Variants in ARHGAP24 observed in about 807,000 individuals in gnomAD.
ARHGAP24 encodes rho GTPase-activating protein 24.
ARHGAP24 carries 50 observed loss-of-function variants against 76.4 expected under a neutral mutation model. The ratio of observed to expected loss-of-function variants is 0.65; its 90% CI spans 0.52 to 0.83. The LOEUF (loss-of-function observed/expected upper bound fraction) is 0.83. Ranked by LOEUF, ARHGAP24 falls within the 40% of genes least tolerant of loss-of-function variation. The pLI is 0.00. For synonymous variants in ARHGAP24, 345 were observed against 323.3 expected (o/e 1.07, Z -0.72); for missense variants, 930 against 914.2 (o/e 1.02, Z -0.22).
In ARHGAP24 at chr4:85,668,293, C is replaced by T. The variant is rs1191038313; in HGVS notation, c.181-53592C>T. On this transcript the variant is annotated intron_variant, in intron 2 of 9. Transcript: ENST00000395184. ...CAGGTTAAAGACCATTAAAGCAAAA[C>T]AGAAAATGCTAAACAGCTTTATTTC... Among the ~76,000 whole-genome samples, 3 of 152,316 alleles carry T rather than the reference C, an allele frequency of 2.0e-5. No individual in the cohort carries two copies. In the South Asian group the frequency reaches 6.2e-4, roughly 32 times the overall value.
chr4:85,556,885 G>C (rs1726397876), intron 1 of ARHGAP24, among the ~76,000 whole-genome samples: 1 of 152,082 alleles, frequency 6.6e-6, no homozygotes, highest in African/African-American at 2.4e-5. Context: ...CTACCATTCT[G>C]AGAGCCCAGG....
At chr4:85,543,383 C>A (rs1725785072) in intron 1 of ARHGAP24, among the ~76,000 whole-genome samples, 1 of 152,028 alleles carries the variant, frequency 6.6e-6, no homozygotes, top group East Asian at 1.9e-4. Flanking sequence ...AAAGGGCTGG[C>A]AGTGAAGGGT....
chr4:85,720,044 CAT>C (rs1724869451), intron 2 of ARHGAP24, among the ~76,000 whole-genome samples: 1 of 148,738 alleles, frequency 6.7e-6, no homozygotes, highest in South Asian at 2.1e-4. Context: ...TGTTCTCACT[CAT>C]AGCTGGGAAT....
intron 4 of ARHGAP24, among the ~76,000 whole-genome samples, chr4:85,932,070 C>T (rs1175954076): frequency 6.6e-6 from 1 of 152,070 alleles, no homozygotes; most frequent in Non-Finnish European, 1.5e-5. Context: ...CTGCAGAGTG[C>T]TTTCCTTTGC....
intron 3 of ARHGAP24, among the ~76,000 whole-genome samples, chr4:85,914,499 GT>G (rs1245364573): frequency 1.3e-5 from 2 of 152,136 alleles, no homozygotes; most frequent in Admixed American, 6.5e-5. Context: ...ATACACTGAA[GT>G]TTTCATCACA....
intron 3 of ARHGAP24, among the ~76,000 whole-genome samples, chr4:85,758,277 G>A (rs1726594837): frequency 6.6e-6 from 1 of 152,178 alleles, no homozygotes; most frequent in South Asian, 2.1e-4. Flanking sequence ...AAGAGTGAGG[G>A]TCCTCAAAGG....
At chr4:85,709,603 T>C (rs1724445662) in intron 2 of ARHGAP24, among the ~76,000 whole-genome samples, 1 of 151,828 alleles carries the variant, frequency 6.6e-6, no homozygotes, top group African/African-American at 2.4e-5. Flanking sequence ...CACTTCAATT[T>C]AGCATTTTAT....
intron 3 of ARHGAP24, among the ~76,000 whole-genome samples, chr4:85,817,629 A>G (rs918274725): frequency 1.3e-5 from 2 of 152,214 alleles, no homozygotes; most frequent in African/African-American, 4.8e-5. Flanking sequence ...TCATTTTATT[A>G]GGACAAAGAG....
chr4:85,901,334 T>G (rs1292353959), intron 3 of ARHGAP24, among the ~76,000 whole-genome samples: 1 of 152,150 alleles, frequency 6.6e-6, no homozygotes, highest in African/African-American at 2.4e-5. Flanking sequence ...TGGTGATTTG[T>G]TTCTAGTTAG....
intron 1 of ARHGAP24, among the ~76,000 whole-genome samples, chr4:85,497,647 C>A (rs1723631444): frequency 6.6e-6 from 1 of 152,048 alleles, no homozygotes; most frequent in South Asian, 2.1e-4. Context: ...CCTGGTAAAA[C>A]CCTATTTCTA....
At chr4:85,666,330 C>G (rs895878251) in intron 2 of ARHGAP24, among the ~76,000 whole-genome samples, 1 of 151,988 alleles carries the variant, frequency 6.6e-6, no homozygotes, top group African/African-American at 2.4e-5. Context: ...CTTCTGCATT[C>G]TTCACGTAGT....
intron 2 of ARHGAP24, among the ~76,000 whole-genome samples, chr4:85,632,280 T>C (rs1721182425): frequency 6.6e-6 from 1 of 152,188 alleles, no homozygotes; most frequent in South Asian, 2.1e-4. Flanking sequence ...ATGAAAAATA[T>C]ATATTGATAG....
chr4:86,000,847 A>G lies in ARHGAP24; in HGVS notation c.*125A>G. The G allele has an allele frequency of 1.5e-6, 2 of 1,377,290 alleles. No individual in the cohort carries two copies. Among genetic ancestry groups the G allele is most frequent in the South Asian group, 2.6e-5 (2 of 77,788 alleles). 85.3% of individuals were successfully genotyped at this position (1,377,290 alleles called of 1,614,324 possible). On this transcript the variant is annotated 3_prime_UTR_variant, in exon 10 of 10. Coordinates refer to ENST00000395184, the MANE Select transcript of ARHGAP24 (RefSeq NM_001025616.3). ...GAAGTCTAACTGGTGAAGGAATATC[A>G]TTTACAGACATTAAACATCCATATC...
At chr4:85,576,378 A>C (rs933469909) in intron 2 of ARHGAP24, among the ~76,000 whole-genome samples, 11 of 151,716 alleles carry the variant, frequency 7.3e-5, no homozygotes, top group Non-Finnish European at 1.2e-4. Flanking sequence ...TGCAGTGAGG[A>C]GAGATCGCGC....
At chr4:85,775,791 G>A (rs1040517011) in intron 3 of ARHGAP24, among the ~76,000 whole-genome samples, 1 of 152,132 alleles carries the variant, frequency 6.6e-6, no homozygotes, top group Non-Finnish European at 1.5e-5. Flanking sequence ...CTGAAGCAGG[G>A]GAATTATGGG....
intron 2 of ARHGAP24, among the ~76,000 whole-genome samples, chr4:85,668,405 T>G (rs1271041359): frequency 6.6e-6 from 1 of 150,816 alleles, no homozygotes; most frequent in Non-Finnish European, 1.5e-5. Flanking sequence ...ACTAGGAGAA[T>G]AAAATTATAT....
chr4:85,693,814 A>G lies in ARHGAP24; in HGVS notation c.181-28071A>G, dbSNP rs369605071. The stretch of plus-strand genomic sequence containing the variant: ...ATTCTTAGAGGGAGATGGAAAGCCC[A>G]GGGGGCATGGGTGCCTATGGCCGCT... On this transcript the variant is annotated intron_variant, in intron 2 of 9. Coordinates refer to ENST00000395184, the MANE Select transcript of ARHGAP24 (RefSeq NM_001025616.3). Among the ~76,000 whole-genome samples the G allele has an allele frequency of 1.2e-4, 18 of 152,322 alleles. No homozygotes were observed. In the East Asian group the frequency reaches 3.3e-3, roughly 28 times the overall value.
chr4:85,902,414 C>A (rs1734549713), intron 3 of ARHGAP24, among the ~76,000 whole-genome samples: 1 of 152,102 alleles, frequency 6.6e-6, no homozygotes, highest in Non-Finnish European at 1.5e-5. Flanking sequence ...GACCCAGTGC[C>A]TTTACACTTC....
At chr4:85,725,383 A>G (rs532043529) in intron 3 of ARHGAP24, among the ~76,000 whole-genome samples, 3 of 152,334 alleles carry the variant, frequency 2.0e-5, no homozygotes, top group Non-Finnish European at 4.4e-5. Flanking sequence ...GCTATGTTGA[A>G]CTATTTCCTG....
Sources: allele counts gnomAD v4.1 joint callset (sites outside exome capture counted in the v4.1 genomes callset), GRCh38; gene constraint gnomAD v4.1.1; transcripts MANE v1.5; gene names NCBI Gene and HGNC (gene_info 2026-07-23, HGNC 2026-07-21).